SCHIP1: variants seen among roughly 807,000 people sequenced by gnomAD.
SCHIP1 encodes schwannomin-interacting protein 1.
A neutral mutation model predicts 29.7 loss-of-function variants in SCHIP1; 8 were observed. That is an observed-to-expected ratio of 0.27 (90% CI 0.16 to 0.49). The LOEUF is 0.49. SCHIP1 is among the 20% of genes least tolerant of loss of function. The probability of loss-of-function intolerance (pLI) is 0.99; values close to 1 mark genes in which losing one functional copy is unlikely to be tolerated. For missense variants in SCHIP1, 193 were observed against 294.6 expected (o/e 0.66, Z 2.52); for synonymous variants, 76 against 94.9 (o/e 0.80, Z 1.16).
chr3:159,380,352 T>C, the SCHIP1 span, among the ~76,000 whole-genome samples: 48 of 152,332 alleles, frequency 3.2e-4, no homozygotes, highest in East Asian at 1.2e-3. Flanking sequence ...CAGTTGTTGA[T>C]GTGTTGAAGG....
chr3:159,298,252 G>A, the SCHIP1 span, among the ~76,000 whole-genome samples: 1 of 152,064 alleles, frequency 6.6e-6, no homozygotes, highest in Admixed American at 6.6e-5. Flanking sequence ...TACATTCCTG[G>A]TGTCCAGAAG....
chr3:159,362,223 G>A, the SCHIP1 span, among the ~76,000 whole-genome samples: 3 of 152,170 alleles, frequency 2.0e-5, no homozygotes, highest in Non-Finnish European at 2.9e-5. Flanking sequence ...GTGTTATGAA[G>A]GAGAGAGTGG....
the SCHIP1 span, among the ~76,000 whole-genome samples, chr3:159,512,305 A>G: frequency 6.6e-6 from 1 of 152,244 alleles, no homozygotes; most frequent in Non-Finnish European, 1.5e-5. Context: ...ATAGCACTTT[A>G]TACCCATTAG....
At chr3:159,815,845 A>T in the SCHIP1 span, among the ~76,000 whole-genome samples, 1 of 152,064 alleles carries the variant, frequency 6.6e-6, no homozygotes, top group Non-Finnish European at 1.5e-5. Flanking sequence ...TGTGTCTCAA[A>T]TCACTCCCCT....
the SCHIP1 span, among the ~76,000 whole-genome samples, chr3:159,740,597 A>G: frequency 7.9e-5 from 12 of 152,116 alleles, no homozygotes; most frequent in East Asian, 2.3e-3. Context: ...AATCCATCAC[A>G]CAAGCTACAT....
At chr3:159,497,441 T>A in the SCHIP1 span, among the ~76,000 whole-genome samples, 1 of 152,030 alleles carries the variant, frequency 6.6e-6, no homozygotes, top group African/African-American at 2.4e-5. Flanking sequence ...TGCTGCTTTA[T>A]ATGGACCATC....
the SCHIP1 span, among the ~76,000 whole-genome samples, chr3:159,525,761 G>A: frequency 6.6e-6 from 1 of 152,192 alleles, no homozygotes; most frequent in Non-Finnish European, 1.5e-5. Context: ...ATTAAAGTCA[G>A]TCCAGATTTC....
the SCHIP1 span, among the ~76,000 whole-genome samples, chr3:159,728,974 A>C: frequency 6.6e-6 from 1 of 152,170 alleles, no homozygotes; most frequent in South Asian, 2.1e-4. Context: ...ACATAGTGAA[A>C]CCCCATCTCT....
At chr3:159,704,927 T>TC in the SCHIP1 span, among the ~76,000 whole-genome samples, 1 of 145,318 alleles carries the variant, frequency 6.9e-6, no homozygotes, top group Admixed American at 6.8e-5. Context: ...TTTCTTTCTT[T>TC]CTTTCTTTCT....
chr3:159,388,648 C>A, the SCHIP1 span, among the ~76,000 whole-genome samples: 1 of 152,028 alleles, frequency 6.6e-6, no homozygotes, highest in African/African-American at 2.4e-5. Flanking sequence ...GGGACACTTG[C>A]CTTTCCAAAT....
the SCHIP1 span, among the ~76,000 whole-genome samples, chr3:159,713,276 G>T: frequency 1.4e-5 from 2 of 145,748 alleles, no homozygotes; most frequent in African/African-American, 2.6e-5. Flanking sequence ...AAGAAAGAAA[G>T]AAAGAAAGAA....
the SCHIP1 span, among the ~76,000 whole-genome samples, chr3:159,634,880 T>G: frequency 6.6e-6 from 1 of 152,164 alleles, no homozygotes; most frequent in African/African-American, 2.4e-5. Context: ...AATAGCGCCT[T>G]CAAATGCAAA....
the SCHIP1 span, among the ~76,000 whole-genome samples, chr3:159,513,259 T>C: frequency 2.6e-4 from 40 of 152,224 alleles, no homozygotes; most frequent in Non-Finnish European, 7.3e-5. Context: ...AGACAGCTTC[T>C]ACTATAAATT....
chr3:159,765,227 C>T, the SCHIP1 span: 2 of 1,385,950 alleles, frequency 1.4e-6, no homozygotes, highest in African/African-American at 1.5e-5. Flanking sequence ...CGCTCCCGCC[C>T]GCCCGCGGCC....
the SCHIP1 span, among the ~76,000 whole-genome samples, chr3:159,329,109 G>GAGCA: frequency 6.6e-6 from 1 of 152,090 alleles, no homozygotes; most frequent in Non-Finnish European, 1.5e-5. Flanking sequence ...GGGGAGCTTA[G>GAGCA]AGCAGGGAGT....
At chr3:159,690,187 G>C in the SCHIP1 span, among the ~76,000 whole-genome samples, 2 of 152,132 alleles carry the variant, frequency 1.3e-5, no homozygotes, top group African/African-American at 4.8e-5. Context: ...GCTCCTTTTT[G>C]TACCTCTGGT....
At chr3:159,863,985 G>T (rs1195200030) in intron 1 of SCHIP1, among the ~76,000 whole-genome samples, 1 of 152,134 alleles carries the variant, frequency 6.6e-6, no homozygotes. Context: ...CCAGCATGTT[G>T]TTGAACATTA....
chr3:159,719,901 A>C, the SCHIP1 span, among the ~76,000 whole-genome samples: 1 of 152,232 alleles, frequency 6.6e-6, no homozygotes, highest in African/African-American at 2.4e-5. Flanking sequence ...CCAAAGAATT[A>C]TAAATCATGC....
At chr3:159,602,487 G>A in the SCHIP1 span, among the ~76,000 whole-genome samples, 4 of 152,080 alleles carry the variant, frequency 2.6e-5, no homozygotes, top group African/African-American at 9.7e-5. Context: ...AAGGCAAGTG[G>A]ATCACGAGGT....
Sources: gnomAD v4.1 joint callset for allele counts (sites outside exome capture counted in the v4.1 genomes callset) on GRCh38, gnomAD v4.1.1 for gene constraint, MANE v1.5 for transcripts, NCBI Gene and HGNC (gene_info 2026-07-23, HGNC 2026-07-21) for gene names.